The following DNAH11 variants were observed in gnomAD, a reference collection of about 807,000 sequenced individuals.
DNAH11 encodes the protein dynein axonemal heavy chain 11.
DNAH11 carries 442 observed loss-of-function variants against 526.0 expected under a neutral mutation model. The observed-to-expected ratio is 0.84, with a 90% CI of 0.78 to 0.91. The LOEUF (loss-of-function observed/expected upper bound fraction) is 0.91. DNAH11 is among the 40% of genes least tolerant of loss of function. DNAH11 has a pLI of 0.00. For missense variants in DNAH11, 6,989 were observed against 5,448.7 expected (o/e 1.28, Z -8.90); for synonymous variants, 2,461 against 1,935.9 (o/e 1.27, Z -7.12).
At chr7:21,841,591 T>TGTGA (rs112473019) in intron 65 of DNAH11, among the ~76,000 whole-genome samples, 13,767 of 151,872 alleles carry the variant, frequency 0.091, 2,045 homozygotes, top group African/African-American at 0.31. Flanking sequence ...ATGGTCCCAG[T>TGTGA]GTGAGTGAGT....
intron 34 of DNAH11, 74 bp downstream of exon 34, chr7:21,687,601 G>A (rs1041004745): frequency 4.0e-6 from 6 of 1,505,940 alleles, no homozygotes; most frequent in Middle Eastern, 1.8e-4. Flanking sequence ...CCCCTTCACT[G>A]TCTATTGCTA....
chr7:21,825,955 T>A (rs369670123), intron 65 of DNAH11, among the ~76,000 whole-genome samples: 11 of 141,834 alleles, frequency 7.8e-5, no homozygotes, highest in Non-Finnish European at 1.7e-4. Flanking sequence ...TGAGACTCTG[T>A]CTCCAAAAAA....
chr7:21,548,185 G>A (rs891166028), intron 2 of DNAH11, among the ~76,000 whole-genome samples: 3 of 129,848 alleles, frequency 2.3e-5, no homozygotes, highest in Non-Finnish European at 3.4e-5. Context: ...CATCTGGGGC[G>A]GTATTCTTGG....
At chr7:21,574,627 G>A (rs1164204845) in intron 8 of DNAH11, among the ~76,000 whole-genome samples, 1 of 146,232 alleles carries the variant, frequency 6.8e-6, no homozygotes, top group Non-Finnish European at 1.5e-5. Flanking sequence ...GCAATGGTGC[G>A]ATCTTAGCTC....
chr7:21,657,680 G>A (rs955233599), intron 29 of DNAH11, among the ~76,000 whole-genome samples: 32 of 152,172 alleles, frequency 2.1e-4, no homozygotes, highest in Non-Finnish European at 2.9e-5. Flanking sequence ...TATTAAGGCA[G>A]AGATACCAGA....
At chr7:21,779,952 G>A (rs1248660089) in intron 57 of DNAH11, among the ~76,000 whole-genome samples, 1 of 151,890 alleles carries the variant, frequency 6.6e-6, no homozygotes, top group Non-Finnish European at 1.5e-5. Flanking sequence ...CATTTTTCTT[G>A]TATTTTATGT....
intron 28 of DNAH11, among the ~76,000 whole-genome samples, chr7:21,651,860 T>C (rs1277407401): frequency 6.6e-6 from 1 of 152,248 alleles, no homozygotes; most frequent in Non-Finnish European, 1.5e-5. Context: ...AAGTAACAGA[T>C]GTGCATCATC....
chr7:21,764,721 C>G (rs1787095536), intron 54 of DNAH11, among the ~76,000 whole-genome samples: 1 of 152,162 alleles, frequency 6.6e-6, no homozygotes, highest in South Asian at 2.1e-4. Flanking sequence ...CCTCAGGACT[C>G]CGACAGAATC....
chr7:21,701,082 A>C (rs901295747), intron 36 of DNAH11, among the ~76,000 whole-genome samples: 12 of 152,006 alleles, frequency 7.9e-5, no homozygotes, highest in African/African-American at 2.9e-4. Flanking sequence ...CATTCTGCAC[A>C]TGTGTCCCGA....
intron 30 of DNAH11, among the ~76,000 whole-genome samples, chr7:21,666,815 T>C (rs1305140681): frequency 2.0e-5 from 3 of 151,950 alleles, no homozygotes; most frequent in South Asian, 4.2e-4. Flanking sequence ...CTTTATAATC[T>C]AGCAGTAACT....
At chr7:21,569,027 T>A (rs763915470) in intron 6 of DNAH11, among the ~76,000 whole-genome samples, 3 of 152,192 alleles carry the variant, frequency 2.0e-5, no homozygotes, top group Non-Finnish European at 4.4e-5. Flanking sequence ...AAGCATAGAT[T>A]GGGAAGGAGT....
chr7:21,795,638 G>A (rs1788676653), intron 61 of DNAH11, among the ~76,000 whole-genome samples: 2 of 152,176 alleles, frequency 1.3e-5, no homozygotes, highest in Admixed American at 6.5e-5. Context: ...CTAGTTGAAG[G>A]ACTCACTTTC....
chr7:21,672,304 GA>G (rs1456819271), intron 30 of DNAH11, among the ~76,000 whole-genome samples: 1 of 152,166 alleles, frequency 6.6e-6, no homozygotes, highest in Non-Finnish European at 1.5e-5. Context: ...ACTTTTCTAA[GA>G]GAGTGTGTCT....
At chr7:21,637,821 A>G in intron 27 of DNAH11, 119 bp downstream of exon 27, 1 of 553,938 alleles carries the variant, frequency 1.8e-6, no homozygotes, top group Non-Finnish European at 3.0e-6. Context: ...ATTATTTTGT[A>G]ATTTTGCTTA....
rs1394890300 is a variant in DNAH11, at chr7:21,561,149, A to G, written c.961A>G (p.Ile321Val). 1 of 1,595,806 alleles carries G rather than the reference A, an allele frequency of 6.3e-7. No individual in the cohort carries two copies. The highest frequency in any genetic ancestry group is 8.5e-7 in the Non-Finnish European group (1 of 1,170,424). Reference protein sequence around the residue: ...QSSYFPTLKDIFLAVENALLE... With the variant: ...QSSYFPTLKDVFLAVENALLE... ...CAGCTATTTTCCTACTCTGAAGGAC[A>G]TTTTTCTGGCTGTGGAAAATGGTAA... The change falls in exon 5 of 82, where the codon ATT becomes GTT. Residue 321 changes from isoleucine (I) to valine (V), a missense_variant. Transcript: ENST00000409508.
chr7:21,586,700 G>A (rs1463127222), intron 9 of DNAH11, among the ~76,000 whole-genome samples: 1 of 152,128 alleles, frequency 6.6e-6, no homozygotes, highest in African/African-American at 2.4e-5. Flanking sequence ...TTGCCATATT[G>A]CTAAACAAGG....
In DNAH11 at chr7:21,899,976, A is replaced by G; in HGVS notation, c.13163-4A>G. The G allele has an allele frequency of 7.4e-6, 12 of 1,613,536 alleles. No individual in the cohort carries two copies. The highest frequency in any genetic ancestry group is 1.0e-5 in the Non-Finnish European group (12 of 1,179,710). ...CCTATTCAATTTTTGTTATATTTCC[A>G]AAGCAATCATGCAGACGATGGCTCG... On this transcript the variant is annotated splice_region_variant and splice_polypyrimidine_tract_variant and intron_variant, in intron 80 of 81. Transcript: ENST00000409508.
intron 75 of DNAH11, among the ~76,000 whole-genome samples, chr7:21,882,290 T>TC (rs906548005): frequency 1.3e-5 from 2 of 152,324 alleles, no homozygotes; most frequent in Middle Eastern, 3.4e-3. Flanking sequence ...TGCTTTTTTT[T>TC]CATCCTGGGG....
chr7:21,668,247 A>C (rs1782497839), intron 30 of DNAH11, among the ~76,000 whole-genome samples: 1 of 152,078 alleles, frequency 6.6e-6, no homozygotes, highest in South Asian at 2.1e-4. Flanking sequence ...TTTGTTCCAG[A>C]TATATTTTTA....
Sources: allele counts gnomAD v4.1 joint callset (sites outside exome capture counted in the v4.1 genomes callset), GRCh38; gene constraint gnomAD v4.1.1; transcripts MANE v1.5; gene names NCBI Gene and HGNC (gene_info 2026-07-23, HGNC 2026-07-21).